The following VIT variants were observed in gnomAD, a reference collection of about 807,000 sequenced individuals.
VIT encodes the protein vitrin.
VIT carries 99 observed loss-of-function variants against 78.0 expected under a neutral mutation model. The ratio of observed to expected loss-of-function variants is 1.27; its 90% confidence interval spans 1.08 to 1.50. VIT has a LOEUF of 1.50. Among genes scored for constraint, VIT ranks in the 40% most tolerant of loss-of-function variants. The pLI, the probability that VIT is intolerant of heterozygous loss-of-function variation, is 0.00. For synonymous variants in VIT, 374 were observed against 334.3 expected (o/e 1.12, Z -1.29); for missense variants, 1,126 against 875.3 (o/e 1.29, Z -3.61).
At chr2:36,792,833 C>A (rs1665600103) in intron 12 of VIT, among the ~76,000 whole-genome samples, 5 of 152,174 alleles carry the variant, frequency 3.3e-5, no homozygotes, top group Admixed American at 3.3e-4. Flanking sequence ...CTTTCTCTGC[C>A]TTTCATTTCC....
chr2:36,768,747 A>C (rs1206718826), intron 7 of VIT, among the ~76,000 whole-genome samples: 2 of 152,198 alleles, frequency 1.3e-5, no homozygotes, highest in Non-Finnish European at 2.9e-5. Context: ...ACATTTTGGC[A>C]TGATTAGTAT....
chr2:36,814,320 C>A lies in VIT; in HGVS notation c.2041C>A (p.Gln681Lys). The A allele has an allele frequency of 6.2e-7, 1 of 1,614,208 alleles. No homozygotes were observed. Among genetic ancestry groups the A allele is most frequent in the Non-Finnish European group, 8.5e-7 (1 of 1,180,042 alleles). ...NLHQYVPRII[Q>K]NICTEFNSQP... is the part of the protein sequence containing the mutation. Reference sequence around the variant, plus strand: ...CCATCAGTATGTCCCCAGGATCATCCAGAACATTTGTACAGAGTTCAACTC... The same window carrying A: ...CCATCAGTATGTCCCCAGGATCATCAAGAACATTTGTACAGAGTTCAACTC... Residue 681 changes from glutamine to lysine, a missense_variant, in exon 16 of 16, where the codon CAG (glutamine) becomes AAG (lysine). Coordinates refer to ENST00000379242, the MANE Select transcript of VIT (RefSeq NM_053276.4).
intron 2 of VIT, among the ~76,000 whole-genome samples, chr2:36,719,940 T>TCA (rs1026481107): frequency 4.6e-5 from 7 of 151,556 alleles, no homozygotes; most frequent in South Asian, 2.1e-4. Context: ...AGGCCCTGAC[T>TCA]CACACACACA....
At chr2:36,784,545 G>A (rs183365621) in intron 11 of VIT, among the ~76,000 whole-genome samples, 1 of 152,308 alleles carries the variant, frequency 6.6e-6, no homozygotes, top group Non-Finnish European at 1.5e-5. Context: ...TAGCAACCCT[G>A]ATATGTACAT....
chr2:36,702,306 G>A (rs1483133519), intron 1 of VIT, among the ~76,000 whole-genome samples: 1 of 152,110 alleles, frequency 6.6e-6, no homozygotes, highest in Non-Finnish European at 1.5e-5. Context: ...ATCCTCACAT[G>A]CCTCAATTTC....
intron 7 of VIT, among the ~76,000 whole-genome samples, chr2:36,769,508 C>T (rs1206701754): frequency 6.6e-6 from 1 of 152,094 alleles, no homozygotes; most frequent in Non-Finnish European, 1.5e-5. Flanking sequence ...GACAAACGCT[C>T]GGAGCAAGCA....
chr2:36,735,787 A>G (rs1380849155), intron 3 of VIT, among the ~76,000 whole-genome samples: 1 of 152,230 alleles, frequency 6.6e-6, no homozygotes, highest in Non-Finnish European at 1.5e-5. Context: ...TTTGGGCTGA[A>G]CAAGCCCAAT....
At chr2:36,710,415 AG>A (rs1665728895) in intron 1 of VIT, among the ~76,000 whole-genome samples, 1 of 152,158 alleles carries the variant, frequency 6.6e-6, no homozygotes, top group Non-Finnish European at 1.5e-5. Context: ...ATATATTTAA[AG>A]TATAGAGTCT....
At chr2:36,700,316 T>A (rs1229314018) in intron 1 of VIT, among the ~76,000 whole-genome samples, 2 of 152,152 alleles carry the variant, frequency 1.3e-5, no homozygotes, top group Non-Finnish European at 2.9e-5. Context: ...CTCCCTGTGG[T>A]TTGCAGAAGA....
At chr2:36,763,115 G>T (rs749945611) in intron 6 of VIT, among the ~76,000 whole-genome samples, 5 of 152,186 alleles carry the variant, frequency 3.3e-5, no homozygotes, top group Non-Finnish European at 7.3e-5. Flanking sequence ...AACCTCTTCT[G>T]CCTTCCCTGG....
intron 3 of VIT, among the ~76,000 whole-genome samples, chr2:36,741,103 G>A (rs73924176): frequency 1.5e-3 from 222 of 152,324 alleles, no homozygotes; most frequent in African/African-American, 5.2e-3. Flanking sequence ...GGGAGGAGAT[G>A]CATTTGGGAG....
At chr2:36,774,928 C>G in intron 8 of VIT, 74 bp from the exon 9 acceptor site, 3 of 1,591,894 alleles carry the variant, frequency 1.9e-6, no homozygotes, top group Admixed American at 1.7e-5. Flanking sequence ...GTAATTTTCA[C>G]CGGGGGCAAA....
At chr2:36,722,713 T>C (rs1666588557) in intron 2 of VIT, among the ~76,000 whole-genome samples, 3 of 152,148 alleles carry the variant, frequency 2.0e-5, no homozygotes, top group Admixed American at 2.0e-4. Context: ...TACACAAATA[T>C]GCAGTAAGTA....
chr2:36,762,860 C>T (rs1020873177), intron 6 of VIT, among the ~76,000 whole-genome samples: 14 of 152,214 alleles, frequency 9.2e-5, no homozygotes, highest in African/African-American at 3.4e-4. Flanking sequence ...GCGGCTCACA[C>T]TGAGAACAGG....
chr2:36,776,103 A>G (rs1049419971), intron 9 of VIT, among the ~76,000 whole-genome samples: 16 of 152,202 alleles, frequency 1.1e-4, no homozygotes, highest in African/African-American at 3.6e-4. Context: ...TTTACCCTAT[A>G]TCGAATAACT....
chr2:36,795,295 C>T (rs1290705599), intron 12 of VIT, among the ~76,000 whole-genome samples: 2 of 151,884 alleles, frequency 1.3e-5, no homozygotes, highest in South Asian at 2.1e-4. Context: ...AATGGAGTCA[C>T]CTGATGCACA....
chr2:36,721,081 T>C (rs1666478879), intron 2 of VIT, among the ~76,000 whole-genome samples: 1 of 151,960 alleles, frequency 6.6e-6, no homozygotes, highest in South Asian at 2.1e-4. Flanking sequence ...TACAGCACAG[T>C]GACTACAGCT....
chr2:36,814,500 GC>G lies in VIT; in HGVS notation c.*141del, dbSNP rs1667426210. 9.2e-7 allele frequency: 1 copy of G among 1,086,958 alleles called. No homozygotes were observed. The highest frequency in any genetic ancestry group is 1.3e-6 in the Non-Finnish European group (1 of 793,668). 67.3% of individuals were successfully genotyped at this position (1,086,958 alleles called of 1,614,324 possible). On this transcript the variant is annotated 3_prime_UTR_variant, in exon 16 of 16. Coordinates refer to ENST00000379242, the MANE Select transcript of VIT (RefSeq NM_053276.4). ...AACAAATGTCTTGTTATTATTCTTTGCCATCATGCTTTTTCATATTCCAAAA... is the reference window on the plus strand; with the variant it reads ...AACAAATGTCTTGTTATTATTCTTTGCATCATGCTTTTTCATATTCCAAAA...
intron 4 of VIT, among the ~76,000 whole-genome samples, chr2:36,746,146 G>A (rs182482440): frequency 3.2e-3 from 486 of 152,252 alleles, no homozygotes; most frequent in Non-Finnish European, 4.0e-3. Context: ...TTGCATCCCA[G>A]GAATAAAGCC....
Sources: gnomAD v4.1 joint callset for allele counts (sites outside exome capture counted in the v4.1 genomes callset) on GRCh38, gnomAD v4.1.1 for gene constraint, MANE v1.5 for transcripts, NCBI Gene and HGNC (gene_info 2026-07-23, HGNC 2026-07-21) for gene names.